The following MYDGF variants were observed in gnomAD, a reference collection of about 807,000 sequenced individuals.
MYDGF encodes myeloid derived growth factor.
Under a neutral mutation model 24.2 loss-of-function variants are expected in MYDGF, and 29 were observed. That is an observed-to-expected ratio of 1.20 (90% CI 0.89 to 1.63). The LOEUF is 1.63. Among genes scored for constraint, MYDGF ranks in the 40% most tolerant of loss-of-function variants. The pLI, the probability that MYDGF is intolerant of heterozygous loss-of-function variation, is 0.00. For synonymous variants in MYDGF, 105 were observed against 102.5 expected, an observed-to-expected ratio of 1.02 and a Z score of -0.15; for missense variants, 245 against 234.8, an observed-to-expected ratio of 1.04 and a Z score of -0.29.
chr19:4,659,030 T>C lies in MYDGF; in HGVS notation c.442+901A>G, dbSNP rs145341218. ...GTTGGCTAGGCTGGTCTGGAACTCC[T>C]GGCCTCCCAAAGTGCTGGGATTACA... On this transcript the variant is annotated intron_variant, in intron 5 of 5. Transcript: ENST00000262947. Among the ~76,000 whole-genome samples, 563 of 152,122 alleles carry C rather than the reference T, an allele frequency of 3.7e-3. 4 individuals are homozygous for C. The highest frequency in any genetic ancestry group is 0.013 in the African/African-American group (529 of 41,510).
In MYDGF at chr19:4,660,735, G is replaced by T; in HGVS notation, c.303C>A (p.Ser101=). Residue 101 remains serine, a synonymous_variant, in exon 4 of 6, where the codon TCC becomes TCA. Transcript: ENST00000262947. ...CCTTGAACTGTGTGAAGTACAGATA[G>T]GACTTCCCCTGGGGCCTGCAGAGGA... ...TCTIWRPQGK[S]YLYFTQFKAE... is the part of the protein sequence containing the mutation. 1 of 1,613,866 alleles carries T rather than the reference G, an allele frequency of 6.2e-7. No individual in the cohort carries two copies. Among genetic ancestry groups the T allele is most frequent in the Non-Finnish European group, 8.5e-7 (1 of 1,179,908 alleles).
intron 5 of MYDGF, 139 bp downstream of exon 5, chr19:4,659,791 GC>G (rs767596537): frequency 2.7e-6 from 2 of 737,048 alleles, no homozygotes; most frequent in South Asian, 3.0e-5. Context: ...TGACGAGGTG[GC>G]CTTTATAGAA....
intron 2 of MYDGF, among the ~76,000 whole-genome samples, chr19:4,667,929 T>G (rs2088533648): frequency 6.6e-6 from 1 of 152,064 alleles, no homozygotes; most frequent in Non-Finnish European, 1.5e-5. Context: ...CCTTTATTTA[T>G]TTATTATTTA....
At position 4,660,718 on chromosome 19, in the gene MYDGF, T is replaced by C; in HGVS notation, c.320A>G (p.Gln107Arg). Residue 107 changes from glutamine (Q) to arginine (R), a missense_variant, in exon 4 of 6, where the codon CAG becomes CGG. Transcript: ENST00000262947. ...PQGKSYLYFT[Q>R]FKAEVRGAEI... ...AGCGCCCCGCACCTCTGCCTTGAAC[T>C]GTGTGAAGTACAGATAGGACTTCCC... 1 of 1,613,988 alleles carries C rather than the reference T, an allele frequency of 6.2e-7. No homozygotes were observed. The highest frequency in any genetic ancestry group is 2.2e-5 in the East Asian group (1 of 44,862).
In MYDGF at chr19:4,668,531, A is replaced by T. The variant is rs544849312; in HGVS notation, c.225+64T>A. 7 of 1,450,946 alleles carry T rather than the reference A, an allele frequency of 4.8e-6. No individual in the cohort carries two copies. The South Asian group carries it at 8.0e-5, about 17-fold the overall frequency. The allele number at this position is 1,450,946 out of a possible 1,614,324, so 89.9% of individuals were successfully genotyped here. ...GAGACCCAACCCTGCTGTCTGCTAC[A>T]GAACATCTCCCTACAACAATGGATA... On this transcript the variant is annotated intron_variant, in intron 2 of 5. Coordinates refer to ENST00000262947, the MANE Select transcript of MYDGF (RefSeq NM_019107.4).
chr19:4,668,134 G>T (rs1302199744), intron 2 of MYDGF, among the ~76,000 whole-genome samples: 1 of 152,090 alleles, frequency 6.6e-6, no homozygotes, highest in African/African-American at 2.4e-5. Flanking sequence ...TGCCATGTTG[G>T]CCAGGCTGGT....
chr19:4,664,356 G>A (rs2088503877), intron 3 of MYDGF, among the ~76,000 whole-genome samples: 1 of 152,046 alleles, frequency 6.6e-6, no homozygotes. Context: ...CAGGCATGGT[G>A]GCACACGCCT....
At chr19:4,664,772 C>T in intron 3 of MYDGF, 104 bp downstream of exon 3, 6 of 1,299,450 alleles carry the variant, frequency 4.6e-6, no homozygotes, top group Non-Finnish European at 6.4e-6. Context: ...GTCTGTCTTC[C>T]CCTCCAGGGG....
rs1426123071 is a variant in MYDGF at position 4,670,287 on chromosome 19, C to CTT, written c.47_48insAA (p.Trp16Ter). 1 of 1,524,370 alleles carries CTT rather than the reference C, an allele frequency of 6.6e-7. No individual in the cohort carries two copies. The highest frequency in any genetic ancestry group is 2.7e-5 in the East Asian group (1 of 36,776). The allele number at this position is 1,524,370 out of a possible 1,614,324, so 94.4% of individuals were successfully genotyped here. ...GGWNGVGASL[W>*]AALLLGAVAL... ...CCACGGCCCCTAGGAGCAGCGCGGC[C>CTT]CACAAGCTCGCGCCGACGCCGTTCC... Residue 16 changes from tryptophan to a stop codon, truncating the protein, a stop_gained and frameshift_variant, in exon 1 of 6, where the codon TGG becomes TGAAG. Transcript: ENST00000262947. LOFTEE classifies it high-confidence loss of function.
intron 1 of MYDGF, among the ~76,000 whole-genome samples, chr19:4,669,736 A>G (rs1282046549): frequency 1.3e-5 from 2 of 152,138 alleles, no homozygotes; most frequent in African/African-American, 4.8e-5. Flanking sequence ...GACCTTGTGC[A>G]ATGGAAGGAA....
chr19:4,668,542 C>T (rs1323773758), intron 2 of MYDGF, 53 bp downstream of exon 2: 1 of 1,517,230 alleles, frequency 6.6e-7, no homozygotes, highest in Non-Finnish European at 9.2e-7. Flanking sequence ...GAACATCTCC[C>T]TACAACAATG....
At chr19:4,667,692 G>A (rs868113205) in intron 2 of MYDGF, among the ~76,000 whole-genome samples, 49 of 151,056 alleles carry the variant, frequency 3.2e-4, no homozygotes, top group African/African-American at 1.2e-3. Flanking sequence ...TGAAGGAGAG[G>A]ATTCTTCTCC....
intron 1 of MYDGF, among the ~76,000 whole-genome samples, chr19:4,669,676 CA>C (rs1478386998): frequency 6.6e-6 from 1 of 152,180 alleles, no homozygotes; most frequent in African/African-American, 2.4e-5. Flanking sequence ...ACTTTGCCGA[CA>C]AGCTGAGTAC....
At position 4,660,118 on chromosome 19, in the gene MYDGF, G is replaced by A. The variant is rs2088458710; in HGVS notation, c.370-115C>T. 8.8e-6 allele frequency: 9 copies of A among 1,027,154 alleles called. No individual in the cohort carries two copies. In the South Asian group the frequency reaches 1.0e-4, roughly 12 times the overall value. The allele number at this position is 1,027,154 out of a possible 1,614,324, so 63.6% of individuals were successfully genotyped here. ...ACTAAAGCTTTCTACTTTTACTAGA[G>A]ATGGAGAGGAGACTTTTTTGTTTTT... On this transcript the variant is annotated intron_variant, in intron 4 of 5. Transcript: ENST00000262947.
chr19:4,662,159 C>T (rs555285481), intron 3 of MYDGF, among the ~76,000 whole-genome samples: 3 of 152,260 alleles, frequency 2.0e-5, no homozygotes, highest in South Asian at 2.1e-4. Context: ...TAAAGCGCCC[C>T]GCAGGGCACG....
chr19:4,665,095 G>A (rs78497871), intron 2 of MYDGF, among the ~76,000 whole-genome samples, 158 bp from the exon 3 acceptor site: 2,158 of 152,320 alleles, frequency 0.014, 47 homozygotes, highest in African/African-American at 0.049. Context: ...GGTGGCCTGG[G>A]GTTTGCTGTC....
Position 4,658,044 on chromosome 19 carries a change from C to T in MYDGF, c.483G>A (p.Lys161=), listed in dbSNP as rs2145181122. ...GCGATGCCTTGGCCACAATCACCAG[C>T]TTGGACAGCTCAGCTTTGAATGCCC... The part of the protein sequence containing the change: ...RPGAFKAELS[K]LVIVAKASRT... The change falls in exon 6 of 6, where the codon AAG becomes AAA. Residue 161 remains lysine, a synonymous_variant. Transcript: ENST00000262947. 6.2e-7 allele frequency: 1 copy of T among 1,611,986 alleles called. No individual in the cohort carries two copies. The highest frequency in any genetic ancestry group is 1.1e-5 in the South Asian group (1 of 90,570).
intron 3 of MYDGF, among the ~76,000 whole-genome samples, chr19:4,662,628 T>C (rs2145184498): frequency 6.6e-6 from 1 of 152,160 alleles, no homozygotes; most frequent in South Asian, 2.1e-4. Context: ...CAGATGCATG[T>C]GTGTTCGGGC....
chr19:4,666,242 G>A (rs2088520614), intron 2 of MYDGF, among the ~76,000 whole-genome samples: 1 of 151,602 alleles, frequency 6.6e-6, no homozygotes, highest in Non-Finnish European at 1.5e-5. Flanking sequence ...ACAAGTGAAT[G>A]TAAATCTACC....
Sources: gnomAD v4.1 joint callset for allele counts (sites outside exome capture counted in the v4.1 genomes callset) on GRCh38, gnomAD v4.1.1 for gene constraint, MANE v1.5 for transcripts, NCBI Gene and HGNC (gene_info 2026-07-23, HGNC 2026-07-21) for gene names.